GLCCI1: variants seen among roughly 807,000 people sequenced by gnomAD.
The protein encoded by GLCCI1 is glucocorticoid induced 1, also known as glucocorticoid-induced transcript 1 protein.
GLCCI1 carries 24 observed loss-of-function variants against 52.2 expected under a neutral mutation model. The observed-to-expected ratio is 0.46, with a 90% CI of 0.33 to 0.65. The LOEUF is 0.65. GLCCI1 is among the 30% of genes least tolerant of loss of function. The pLI, the probability that GLCCI1 is intolerant of heterozygous loss-of-function variation, is 0.02. For synonymous variants in GLCCI1, 310 were observed against 276.5 expected, an observed-to-expected ratio of 1.12 and a Z score of -1.20; for missense variants, 704 against 701.5, an observed-to-expected ratio of 1.00 and a Z score of -0.04.
chr7:8,066,592 C>T (rs1049615189), intron 5 of GLCCI1, among the ~76,000 whole-genome samples: 2 of 150,806 alleles, frequency 1.3e-5, no homozygotes, highest in African/African-American at 2.4e-5. Context: ...TCTTTAGTCC[C>T]ATAGTTTCAA....
In GLCCI1 at chr7:8,060,177, G is replaced by T. The variant is rs1356800791; in HGVS notation, c.895G>T (p.Val299Leu). 6.2e-7 allele frequency: 1 copy of T among 1,613,056 alleles called. No homozygotes were observed. The highest frequency in any genetic ancestry group is 1.7e-5 in the Admixed American group (1 of 60,010). The change falls in exon 5 of 8, where the codon GTA becomes TTA. Residue 299 changes from valine (V) to leucine (L), a missense_variant. This residue lies in a region of GLCCI1 where 547 missense variants were observed against 524.8 expected (regional missense o/e 1.04). Transcript: ENST00000223145. The stretch of plus-strand genomic sequence containing the variant: ...ATCTGTTTCGCGTGTGCCCTGCAAT[G>T]TAGAAGGAATAAGTCCTGAATTAGA... ...KSSVSRVPCN[V>L]EGISPELEKV... is the part of the protein sequence containing the mutation.
intron 5 of GLCCI1, among the ~76,000 whole-genome samples, chr7:8,066,031 G>A (rs146589273): frequency 1.3e-5 from 2 of 152,258 alleles, no homozygotes; most frequent in East Asian, 3.9e-4. Context: ...ATGTGGTTCA[G>A]GGCTCTTTCT....
chr7:8,043,109 T>G (rs917534143), intron 3 of GLCCI1, among the ~76,000 whole-genome samples: 1 of 152,252 alleles, frequency 6.6e-6, no homozygotes, highest in African/African-American at 2.4e-5. Flanking sequence ...TAGCATTTTT[T>G]AGCAATAAAG....
At chr7:8,032,235 C>G (rs1183384425) in intron 3 of GLCCI1, among the ~76,000 whole-genome samples, 2 of 151,964 alleles carry the variant, frequency 1.3e-5, no homozygotes, top group Non-Finnish European at 2.9e-5. Flanking sequence ...GAAAACTCAA[C>G]TTAGAATTTA....
intron 5 of GLCCI1, among the ~76,000 whole-genome samples, chr7:8,068,628 T>C (rs969355781): frequency 2.0e-5 from 3 of 152,158 alleles, no homozygotes; most frequent in Non-Finnish European, 4.4e-5. Context: ...TATGAATTCT[T>C]TCTGTCATTT....
chr7:8,053,334 TG>T lies in GLCCI1; in HGVS notation c.697-2098del, dbSNP rs1179470459. ...GTTTTCGTTTTTTTTTTTGTTTGTT[TG>T]TTTGTTTTGAGACAGTCTCGCACTG... On this transcript the variant is annotated intron_variant, in intron 3 of 7. Coordinates refer to ENST00000223145, the MANE Select transcript of GLCCI1 (RefSeq NM_138426.4). Among the ~76,000 whole-genome samples, 15 of 131,462 alleles carry T rather than the reference TG, an allele frequency of 1.1e-4. 1 individual carries two copies. The highest frequency in any genetic ancestry group is 2.9e-4 in the African/African-American group (11 of 38,586). The allele number at this position is 131,462 out of a possible 152,430, so 86.2% of individuals were successfully genotyped here.
chr7:8,002,102 A>G (rs1490361817), intron 1 of GLCCI1, among the ~76,000 whole-genome samples: 3 of 152,194 alleles, frequency 2.0e-5, no homozygotes, highest in Non-Finnish European at 4.4e-5. Flanking sequence ...TACTTTTAAA[A>G]AAAGGAAAAA....
At chr7:8,005,294 C>T (rs1373627391) in intron 2 of GLCCI1, among the ~76,000 whole-genome samples, 1 of 151,690 alleles carries the variant, frequency 6.6e-6, no homozygotes, top group Non-Finnish European at 1.5e-5. Flanking sequence ...AAAAAATGTA[C>T]TTATAGAGTA....
intron 3 of GLCCI1, among the ~76,000 whole-genome samples, chr7:8,024,017 T>C (rs1052349960): frequency 1.3e-5 from 2 of 152,200 alleles, no homozygotes; most frequent in Non-Finnish European, 2.9e-5. Context: ...TTAGATAACT[T>C]AGTTTTGACT....
chr7:8,019,598 T>C (rs917850435), intron 2 of GLCCI1, among the ~76,000 whole-genome samples: 1 of 152,178 alleles, frequency 6.6e-6, no homozygotes, highest in Admixed American at 6.5e-5. Context: ...AATGCATCGT[T>C]AGGCATTCAT....
chr7:7,992,926 T>G (rs1174717648), intron 1 of GLCCI1, among the ~76,000 whole-genome samples: 1 of 152,168 alleles, frequency 6.6e-6, no homozygotes, highest in Non-Finnish European at 1.5e-5. Flanking sequence ...ACCTCTATTT[T>G]CATATCTTCC....
chr7:8,019,421 G>A (rs1468419783), intron 2 of GLCCI1, among the ~76,000 whole-genome samples: 1 of 152,122 alleles, frequency 6.6e-6, no homozygotes, highest in Admixed American at 6.5e-5. Context: ...ATTTTAAATT[G>A]ATGGAATTAA....
At chr7:8,070,747 A>C in intron 5 of GLCCI1, 174 bp from the exon 6 acceptor site, 1 of 593,678 alleles carries the variant, frequency 1.7e-6, no homozygotes. Context: ...TGTTTAGTTC[A>C]ATAAAGGTAA....
Position 7,969,797 on chromosome 7 carries a change from C to G in GLCCI1, c.447C>G (p.Pro149=), listed in dbSNP as rs911951801. 6.1e-6 allele frequency: 9 copies of G among 1,481,386 alleles called. No homozygotes were observed. Among genetic ancestry groups the G allele is most frequent in the South Asian group, 1.2e-5 (1 of 81,362 alleles). 91.8% of individuals were successfully genotyped at this position (1,481,386 alleles called of 1,614,324 possible). A position where few individuals can be genotyped will look rare whatever the true frequency, so the allele number is the denominator to read the frequency against. Residue 149 remains proline (P), a synonymous_variant, in exon 1 of 8, where the codon CCC becomes CCG. Coordinates refer to ENST00000223145, the MANE Select transcript of GLCCI1 (RefSeq NM_138426.4). The surrounding 1 kb of genome is among the most constrained non-coding windows in gnomAD (Gnocchi z 4.9). The stretch of plus-strand genomic sequence containing the variant: ...CTGAGAGACGGAGCCCCGGCTCGCC[C>G]GTGTGCAGAGGTAGCGAGCCCAACC... The part of the protein sequence containing the change: ...SSPERRSPGS[P]VCRADKAKSQ...
intron 5 of GLCCI1, among the ~76,000 whole-genome samples, chr7:8,063,256 G>C (rs1296906114): frequency 6.6e-6 from 1 of 152,070 alleles, no homozygotes; most frequent in Non-Finnish European, 1.5e-5. Flanking sequence ...TCCTGCCTCA[G>C]CCTCCCAAAT....
At chr7:8,000,288 G>A (rs1363443951) in intron 1 of GLCCI1, among the ~76,000 whole-genome samples, 1 of 152,088 alleles carries the variant, frequency 6.6e-6, no homozygotes, top group Non-Finnish European at 1.5e-5. Context: ...AAATTAGTAG[G>A]TATTGCCTTT....
At chr7:7,981,246 CTTTCTTTCTTTCTCTTTT>C (rs1038664901) in intron 1 of GLCCI1, 2 of 245,800 alleles carry the variant, frequency 8.1e-6, no homozygotes, top group South Asian at 4.4e-5. Context: ...TTATTTCTTT[CTTTCTTTCTTTCTCTTTT>C]TTTCTTTCTT....
chr7:8,022,417 C>G, intron 2 of GLCCI1, 66 bp from the exon 3 acceptor site: 1 of 859,700 alleles, frequency 1.2e-6, no homozygotes, highest in Non-Finnish European at 1.6e-6. Context: ...AAATATGTTT[C>G]AGTTGCTTGA....
At chr7:8,075,478 C>T (rs926957329) in intron 6 of GLCCI1, among the ~76,000 whole-genome samples, 6 of 152,190 alleles carry the variant, frequency 3.9e-5, no homozygotes, top group Non-Finnish European at 8.8e-5. Flanking sequence ...CATTCTTCCA[C>T]ATTATCATAC....
Sources: allele counts gnomAD v4.1 joint callset (sites outside exome capture counted in the v4.1 genomes callset), GRCh38; gene constraint gnomAD v4.1.1; regional missense constraint gnomAD v4.1.1; non-coding constraint Gnocchi (gnomAD v3.1); transcripts MANE v1.5; gene names NCBI Gene and HGNC (gene_info 2026-07-23, HGNC 2026-07-21).